The following ARHGAP6 variants were observed in gnomAD, a reference collection of about 807,000 sequenced individuals.
ARHGAP6 encodes the protein rho GTPase-activating protein 6.
A neutral mutation model predicts 55.7 loss-of-function variants in ARHGAP6; 16 were observed. The ratio of observed to expected loss-of-function variants is 0.29; its 90% CI spans 0.19 to 0.44. The LOEUF is 0.44. Among genes scored for constraint, ARHGAP6 ranks in the 20% least tolerant of loss-of-function variants. ARHGAP6 has a pLI of 1.00. For missense variants in ARHGAP6, 698 were observed against 808.9 expected (o/e 0.86, Z 1.66); for synonymous variants, 382 against 360.9 (o/e 1.06, Z -0.66).
chrX:11,306,450 A>C (rs984121651), intron 1 of ARHGAP6, among the ~76,000 whole-genome samples: 1 of 112,694 alleles, frequency 8.9e-6, no homozygotes, highest in Non-Finnish European at 1.9e-5. Context: ...TGTCATATAA[A>C]AGTAATGATA....
chrX:11,306,469 A>G (rs1392010712), intron 1 of ARHGAP6, among the ~76,000 whole-genome samples: 1 of 112,567 alleles, frequency 8.9e-6, no homozygotes, highest in Non-Finnish European at 1.9e-5. Flanking sequence ...TAATAATAAC[A>G]CTGAACATTT....
At chrX:11,396,429 T>C (rs1414005403) in intron 1 of ARHGAP6, among the ~76,000 whole-genome samples, 1 of 111,520 alleles carries the variant, frequency 9.0e-6, no homozygotes, top group Non-Finnish European at 1.9e-5. Flanking sequence ...CTGCTCCCTC[T>C]TACTGTAGCA....
chrX:11,205,924 A>C (rs73494728), intron 2 of ARHGAP6, among the ~76,000 whole-genome samples: 3,129 of 112,044 alleles, frequency 0.028, 33 homozygotes, highest in Middle Eastern at 0.068. Context: ...AATGCCCAAC[A>C]CATACTAGGA....
intron 1 of ARHGAP6, among the ~76,000 whole-genome samples, chrX:11,421,502 G>A (rs931310269): frequency 8.9e-6 from 1 of 111,804 alleles, no homozygotes; most frequent in Non-Finnish European, 1.9e-5. Flanking sequence ...TATGGATACC[G>A]AGGGACATAT....
At chrX:11,242,308 A>G (rs935689869) in intron 2 of ARHGAP6, among the ~76,000 whole-genome samples, 2 of 112,583 alleles carry the variant, frequency 1.8e-5, no homozygotes, top group African/African-American at 6.5e-5. Context: ...TAAAGGCTCA[A>G]CTATGGTTTT....
chrX:11,249,205 G>A (rs1569272429), intron 2 of ARHGAP6, among the ~76,000 whole-genome samples: 2 of 111,532 alleles, frequency 1.8e-5, no homozygotes, highest in Middle Eastern at 4.6e-3. Context: ...CTCACTAATA[G>A]GTGGGAGCTA....
At chrX:11,487,146 C>G (rs764770161) in intron 1 of ARHGAP6, among the ~76,000 whole-genome samples, 8 of 112,068 alleles carry the variant, frequency 7.1e-5, no homozygotes, top group Non-Finnish European at 1.1e-4. Context: ...GAGATAGATA[C>G]AGAAGTAAAT....
intron 1 of ARHGAP6, among the ~76,000 whole-genome samples, chrX:11,486,844 G>T (rs914040178): frequency 8.9e-6 from 1 of 112,078 alleles, no homozygotes; most frequent in African/African-American, 3.2e-5. Flanking sequence ...AAGTGGTACT[G>T]GCAGTGGCTT....
intron 9 of ARHGAP6, among the ~76,000 whole-genome samples, chrX:11,166,000 C>G (rs945722730): frequency 8.9e-6 from 1 of 111,823 alleles, no homozygotes; most frequent in Non-Finnish European, 1.9e-5. Flanking sequence ...GATCTATTTC[C>G]AGCTCAAGGA....
intron 1 of ARHGAP6, among the ~76,000 whole-genome samples, chrX:11,275,250 A>G (rs2047743313): frequency 8.9e-6 from 1 of 111,903 alleles, no homozygotes. Flanking sequence ...TATCTTATAT[A>G]GACAAATATT....
At chrX:11,263,589 T>A (rs1015741742) in intron 1 of ARHGAP6, among the ~76,000 whole-genome samples, 2 of 111,454 alleles carry the variant, frequency 1.8e-5, no homozygotes, top group African/African-American at 3.3e-5. Flanking sequence ...GAGTGCTGCA[T>A]GAGCTACCAG....
At chrX:11,311,441 T>G (rs1157623222) in intron 1 of ARHGAP6, among the ~76,000 whole-genome samples, 1 of 112,069 alleles carries the variant, frequency 8.9e-6, no homozygotes, top group African/African-American at 3.2e-5. Context: ...GCTCAAGGTT[T>G]AGTTCGATCA....
rs144804758 is a variant in ARHGAP6 at position 11,630,969 on chromosome X, C to T, written c.588+33272G>A. On this transcript the variant is annotated intron_variant, in intron 1 of 12. Coordinates refer to ENST00000337414, the MANE Select transcript of ARHGAP6 (RefSeq NM_013427.3). ...GGATGGGATGGAGTAACAATGAAAGCGGCCGCTTGGCTGCCTGGCCAGGCA... is the reference window on the plus strand; with the variant it reads ...GGATGGGATGGAGTAACAATGAAAGTGGCCGCTTGGCTGCCTGGCCAGGCA... Among the ~76,000 whole-genome samples the T allele has an allele frequency of 6.5e-3, 716 of 110,710 alleles. 3 individuals carry two copies. Among genetic ancestry groups the T allele is most frequent in the African/African-American group, 0.022 (680 of 30,412 alleles).
intron 1 of ARHGAP6, among the ~76,000 whole-genome samples, chrX:11,289,987 AAAC>A (rs968953021): frequency 1.4e-4 from 16 of 112,065 alleles, no homozygotes; most frequent in African/African-American, 4.9e-4. Flanking sequence ...TCTGTCTCAA[AAAC>A]AACAACAAAA....
At chrX:11,608,809 T>A (rs933195017) in intron 1 of ARHGAP6, among the ~76,000 whole-genome samples, 3 of 111,666 alleles carry the variant, frequency 2.7e-5, no homozygotes, top group Admixed American at 1.9e-4. Flanking sequence ...ATGTAGGAAG[T>A]GCCTTTCACT....
At chrX:11,385,544 A>C (rs2049318537) in intron 1 of ARHGAP6, among the ~76,000 whole-genome samples, 1 of 112,021 alleles carries the variant, frequency 8.9e-6, no homozygotes, top group South Asian at 3.7e-4. Context: ...TAGGATATGC[A>C]AGTTTTATTT....
intron 2 of ARHGAP6, chrX:11,223,417 CTT>C (rs1490363970): frequency 8.3e-6 from 1 of 119,940 alleles, no homozygotes; most frequent in Admixed American, 9.6e-5. Context: ...AGGTAAGTTT[CTT>C]TGTTTTATAA....
chrX:11,426,728 C>G (rs2049883502), intron 1 of ARHGAP6, among the ~76,000 whole-genome samples: 1 of 109,702 alleles, frequency 9.1e-6, no homozygotes, highest in South Asian at 4.0e-4. Flanking sequence ...TTTTTTCCTT[C>G]TTTCCTTTCT....
At chrX:11,582,184 A>T (rs2051674363) in intron 1 of ARHGAP6, among the ~76,000 whole-genome samples, 1 of 111,101 alleles carries the variant, frequency 9.0e-6, no homozygotes, top group African/African-American at 3.3e-5. Flanking sequence ...CCCAAGGTCA[A>T]CTTGCTGATG....
Sources: gnomAD v4.1 joint callset for allele counts (sites outside exome capture counted in the v4.1 genomes callset) on GRCh38, gnomAD v4.1.1 for gene constraint, MANE v1.5 for transcripts, NCBI Gene and HGNC (gene_info 2026-07-23, HGNC 2026-07-21) for gene names.